Variants in GRIK1 observed in about 807,000 individuals in gnomAD.
GRIK1 encodes glutamate receptor ionotropic, kainate 1.
A neutral mutation model predicts 105.7 loss-of-function variants in GRIK1; 69 were observed. The observed-to-expected ratio is 0.65, with a 90% confidence interval of 0.54 to 0.80. The LOEUF (loss-of-function observed/expected upper bound fraction) is 0.80. Among genes scored for constraint, GRIK1 ranks in the 30% least tolerant of loss-of-function variants. The pLI, the probability that GRIK1 is intolerant of heterozygous loss-of-function variation, is 0.00. For synonymous variants in GRIK1, 438 were observed against 431.3 expected, an observed-to-expected ratio of 1.02 and a Z score of -0.19; for missense variants, 1,109 against 1,167.3, an observed-to-expected ratio of 0.95 and a Z score of 0.73.
chr21:29,555,929 A>G (rs527566693), intron 15 of GRIK1, among the ~76,000 whole-genome samples: 1 of 152,282 alleles, frequency 6.6e-6, no homozygotes, highest in South Asian at 2.1e-4. Context: ...AAGCAATATT[A>G]AAACAACTAC....
At chr21:29,900,092 A>G (rs2070336761) in intron 1 of GRIK1, among the ~76,000 whole-genome samples, 1 of 151,692 alleles carries the variant, frequency 6.6e-6, no homozygotes, top group South Asian at 2.1e-4. Context: ...TCAAAAAAAA[A>G]AAAAAAAGAA....
chr21:29,761,927 T>C (rs2065535457), intron 1 of GRIK1, among the ~76,000 whole-genome samples: 1 of 152,166 alleles, frequency 6.6e-6, no homozygotes, highest in Non-Finnish European at 1.5e-5. Flanking sequence ...TTTGTATTTT[T>C]AGTAGAGACA....
chr21:29,650,650 C>T (rs75600491), intron 6 of GRIK1, among the ~76,000 whole-genome samples: 5,589 of 152,240 alleles, frequency 0.037, 259 homozygotes, highest in East Asian at 0.17. Flanking sequence ...TGAACCTATA[C>T]GCATCCAGGA....
intron 1 of GRIK1, among the ~76,000 whole-genome samples, chr21:29,913,562 T>C (rs1309833377): frequency 6.6e-6 from 1 of 151,544 alleles, no homozygotes; most frequent in African/African-American, 2.4e-5. Flanking sequence ...AGACTAACTG[T>C]AAAGACCTGG....
At chr21:29,707,116 G>A (rs1237329127) in intron 1 of GRIK1, among the ~76,000 whole-genome samples, 2 of 152,224 alleles carry the variant, frequency 1.3e-5, no homozygotes, top group Non-Finnish European at 2.9e-5. Flanking sequence ...CGCCCTCCTC[G>A]GCCTCCCGAA....
At chr21:29,550,107 CAAAAAAAAAA>C (rs34939329) in intron 16 of GRIK1, among the ~76,000 whole-genome samples, 1 of 53,488 alleles carries the variant, frequency 1.9e-5, no homozygotes, top group Admixed American at 2.2e-4. Context: ...GACTCCATCT[CAAAAAAAAAA>C]AAAAAAAAAA....
At chr21:29,567,534 T>C (rs1231693010) in intron 14 of GRIK1, among the ~76,000 whole-genome samples, 1 of 152,196 alleles carries the variant, frequency 6.6e-6, no homozygotes, top group Non-Finnish European at 1.5e-5. Flanking sequence ...AATAAGTTAT[T>C]GATATTTGAT....
Position 29,848,014 on chromosome 21 carries a change from TTA to T in GRIK1, c.118+91367_118+91368del, listed in dbSNP as rs945859750. Among the ~76,000 whole-genome samples the T allele has an allele frequency of 1.1e-4, 16 of 152,122 alleles. No individual in the cohort carries two copies. In the East Asian group the frequency reaches 2.5e-3, roughly 24 times the overall value. ...AGCCTTAATTAACTAGTAGTAGCAT[TTA>T]TACTCTCTCAGTTACCCAGGGTTAA... On this transcript the variant is annotated intron_variant, in intron 1 of 17. Coordinates refer to ENST00000327783, the MANE Select transcript of GRIK1 (RefSeq NM_001330994.2).
At chr21:29,552,583 T>C (rs2090153242) in intron 16 of GRIK1, among the ~76,000 whole-genome samples, 1 of 152,070 alleles carries the variant, frequency 6.6e-6, no homozygotes, top group Non-Finnish European at 1.5e-5. Flanking sequence ...AAAATGGTGA[T>C]GTTCAGAAAA....
intron 1 of GRIK1, among the ~76,000 whole-genome samples, chr21:29,849,521 G>C (rs1304926172): frequency 6.6e-6 from 1 of 152,100 alleles, no homozygotes; most frequent in African/African-American, 2.4e-5. Context: ...TCCTTAGAGC[G>C]TCAGACACAG....
intron 16 of GRIK1, among the ~76,000 whole-genome samples, chr21:29,545,366 G>C (rs1319254202): frequency 2.0e-5 from 3 of 152,216 alleles, no homozygotes. Flanking sequence ...GGCCAGTGTG[G>C]CTTTGTGCCT....
At chr21:29,722,733 ATAT>A (rs2064354685) in intron 1 of GRIK1, among the ~76,000 whole-genome samples, 2 of 152,172 alleles carry the variant, frequency 1.3e-5, no homozygotes, top group African/African-American at 2.4e-5. Context: ...GAAAACAAAA[ATAT>A]TATTAATTTC....
chr21:29,816,327 A>T (rs1835461044), intron 1 of GRIK1, among the ~76,000 whole-genome samples: 1 of 152,166 alleles, frequency 6.6e-6, no homozygotes, highest in African/African-American at 2.4e-5. Flanking sequence ...GAGAAAGGGG[A>T]ATTTTTATAC....
rs1167564962 is a variant in GRIK1 at position 29,560,400 on chromosome 21, CCTTT to C, written c.2356+1220_2356+1223del. On this transcript the variant is annotated intron_variant, in intron 15 of 17. Coordinates refer to ENST00000327783, the MANE Select transcript of GRIK1 (RefSeq NM_001330994.2). ...TCCTTCCTTCCTTCCTTCCTTCCTTCCTTTCTTTCTTTCTTTCTTTCTTTCTTTC... is the reference window on the plus strand; with the variant it reads ...TCCTTCCTTCCTTCCTTCCTTCCTTCCTTTCTTTCTTTCTTTCTTTCTTTC... Among the ~76,000 whole-genome samples the C allele has an allele frequency of 3.1e-3, 210 of 67,096 alleles. 13 individuals are homozygous for C. Among genetic ancestry groups the C allele is most frequent in the African/African-American group, 0.013 (138 of 10,760 alleles). 44.0% of individuals were successfully genotyped at this position (67,096 alleles called of 152,430 possible). A position where few individuals can be genotyped will look rare whatever the true frequency, so the allele number is the denominator to read the frequency against.
chr21:29,747,481 G>T (rs111844520), intron 1 of GRIK1, among the ~76,000 whole-genome samples: 1 of 151,814 alleles, frequency 6.6e-6, no homozygotes, highest in Non-Finnish European at 1.5e-5. Context: ...GAGAAGAGGC[G>T]AAGGCAGAAA....
At chr21:29,601,206 A>T in intron 7 of GRIK1, 1 of 509,670 alleles carries the variant, frequency 2.0e-6, no homozygotes, top group East Asian at 5.5e-5. Flanking sequence ...GGAAGAGAGC[A>T]TTTACTCTCT....
rs190114975 is a variant in GRIK1, at chr21:29,824,761, G to A, written c.118+114622C>T. The stretch of plus-strand genomic sequence containing the variant: ...ACTGCTAGGTCATGGTAAGGATTTC[G>A]CCTTATTTTTAGTTTAATGGCAATA... On this transcript the variant is annotated intron_variant, in intron 1 of 17. Transcript: ENST00000327783. Among the ~76,000 whole-genome samples, 316 of 152,040 alleles carry A rather than the reference G, an allele frequency of 2.1e-3. 1 individual carries two copies. The highest frequency in any genetic ancestry group is 7.3e-3 in the African/African-American group (302 of 41,504).
chr21:29,581,355 GAGT>G, intron 13 of GRIK1, 67 bp downstream of exon 13: 1 of 876,396 alleles, frequency 1.1e-6, no homozygotes, highest in South Asian at 1.4e-5. Context: ...CTTCATGGTG[GAGT>G]TTACCAGCAT....
At chr21:29,802,043 C>G (rs1381478568) in intron 1 of GRIK1, among the ~76,000 whole-genome samples, 2 of 152,110 alleles carry the variant, frequency 1.3e-5, no homozygotes, top group Non-Finnish European at 2.9e-5. Flanking sequence ...ATGGATGGAA[C>G]CATTTCAGAA....
Sources: allele counts gnomAD v4.1 joint callset (sites outside exome capture counted in the v4.1 genomes callset), GRCh38; gene constraint gnomAD v4.1.1; transcripts MANE v1.5; gene names NCBI Gene and HGNC (gene_info 2026-07-23, HGNC 2026-07-21).